GALNT5: variants seen among roughly 807,000 people sequenced by gnomAD.
The protein encoded by GALNT5 is UDP-GalNAc:polypeptide N-acetylgalactosaminyltransferase 5.
Under a neutral mutation model 85.4 loss-of-function variants are expected in GALNT5, and 72 were observed. The observed-to-expected ratio is 0.84, with a 90% confidence interval of 0.70 to 1.03. GALNT5 has a LOEUF of 1.03. Among genes scored for constraint, GALNT5 ranks in the 50% least tolerant of loss-of-function variants. The pLI, the probability that GALNT5 is intolerant of heterozygous loss-of-function variation, is 0.00. For missense variants in GALNT5, 1,137 were observed against 1,135.5 expected, an observed-to-expected ratio of 1.00 and a Z score of -0.02; for synonymous variants, 404 against 397.0, an observed-to-expected ratio of 1.02 and a Z score of -0.21.
chr2:157,280,573 C>T (rs1028141327), intron 1 of GALNT5, among the ~76,000 whole-genome samples: 3 of 152,168 alleles, frequency 2.0e-5, no homozygotes, highest in Non-Finnish European at 4.4e-5. Context: ...TCATGGCAGT[C>T]AGAAGAAACT....
At position 157,316,894 on chromosome 2, in the gene GALNT5, G is replaced by A. The variant is rs1245403048; in HGVS notation, c.*5546G>A. ...TTGTAAAAACACATACAAAACACAA[G>A]GGAAAATTCTCATTTTCCAGCAAAT... On this transcript the variant is annotated 3_prime_UTR_variant, in exon 10 of 10. Transcript: ENST00000259056. 1.3e-5 allele frequency among the ~76,000 whole-genome samples: 2 copies of A among 151,814 alleles called. No homozygotes were observed. The highest frequency in any genetic ancestry group is 2.1e-4 in the South Asian group (1 of 4,816).
chr2:157,311,337 T>C lies in GALNT5; in HGVS notation c.2812T>C (p.Tyr938His). ...PYQKWKFEKY[Y>H]EA Reference sequence around the variant, plus strand: ...TCAAAAGTGGAAATTTGAAAAATATTATGAAGCCTGAAGTGTAACTGATGT... The same window carrying C: ...TCAAAAGTGGAAATTTGAAAAATATCATGAAGCCTGAAGTGTAACTGATGT... The change falls in exon 10 of 10, where the codon TAT becomes CAT. Residue 938 changes from tyrosine to histidine, a missense_variant. By Grantham distance (83) the Tyr-to-His change is moderately conservative (BLOSUM62 2). Transcript: ENST00000259056. 2.5e-6 allele frequency: 4 copies of C among 1,605,014 alleles called. No homozygotes were observed. The highest frequency in any genetic ancestry group is 2.6e-6 in the Non-Finnish European group (3 of 1,174,350).
chr2:157,299,771 A>T (rs1290603206), intron 6 of GALNT5, 106 bp downstream of exon 6: 1 of 538,988 alleles, frequency 1.9e-6, no homozygotes, highest in Non-Finnish European at 3.3e-6. Context: ...ACTGAGAGGA[A>T]ATTTCACAGA....
At chr2:157,277,317 C>A (rs1682753670) in intron 1 of GALNT5, among the ~76,000 whole-genome samples, 1 of 152,136 alleles carries the variant, frequency 6.6e-6, no homozygotes, top group South Asian at 2.1e-4. Context: ...GTGGAGAGTT[C>A]TGTAGATGTC....
chr2:157,299,361 G>T (rs1683288813), intron 5 of GALNT5, among the ~76,000 whole-genome samples, 187 bp from the exon 6 acceptor site: 1 of 152,098 alleles, frequency 6.6e-6, no homozygotes, highest in Non-Finnish European at 1.5e-5. Context: ...ACCTAATCTA[G>T]CTCTGCCACC....
intron 1 of GALNT5, among the ~76,000 whole-genome samples, chr2:157,282,680 G>A (rs755212553): frequency 1.3e-5 from 2 of 152,056 alleles, no homozygotes; most frequent in South Asian, 2.1e-4. Flanking sequence ...TTCCAAATCA[G>A]TAATTAGAAA....
At chr2:157,270,049 G>A (rs949559600) in intron 1 of GALNT5, among the ~76,000 whole-genome samples, 4 of 151,836 alleles carry the variant, frequency 2.6e-5, no homozygotes, top group African/African-American at 4.8e-5. Flanking sequence ...TAGAGATGAG[G>A]AAGTCATAGG....
intron 1 of GALNT5, among the ~76,000 whole-genome samples, chr2:157,278,515 T>C (rs1682788032): frequency 6.6e-6 from 1 of 152,204 alleles, no homozygotes; most frequent in Admixed American, 6.5e-5. Context: ...TTCATTTCTT[T>C]TTCCTCTTTT....
At chr2:157,287,407 C>G (rs1242911677) in intron 3 of GALNT5, among the ~76,000 whole-genome samples, 1 of 151,910 alleles carries the variant, frequency 6.6e-6, no homozygotes. Flanking sequence ...ACTCTTCCTC[C>G]CTTTCCCCTC....
At chr2:157,272,376 T>C (rs184960596) in intron 1 of GALNT5, among the ~76,000 whole-genome samples, 1 of 152,228 alleles carries the variant, frequency 6.6e-6, no homozygotes. Flanking sequence ...ACTCCTTTTT[T>C]AAATAATTTC....
At chr2:157,262,065 C>T (rs539272945) in intron 1 of GALNT5, among the ~76,000 whole-genome samples, 18 of 152,292 alleles carry the variant, frequency 1.2e-4, no homozygotes, top group African/African-American at 4.1e-4. Context: ...TAGCATCCTA[C>T]TGCAACCTTT....
chr2:157,286,411 C>T (rs527434520), intron 3 of GALNT5, among the ~76,000 whole-genome samples: 1 of 152,194 alleles, frequency 6.6e-6, no homozygotes, highest in Non-Finnish European at 1.5e-5. Flanking sequence ...AGAACAGAAG[C>T]ATTCTCTTAA....
At chr2:157,268,072 G>A (rs1427617515) in intron 1 of GALNT5, among the ~76,000 whole-genome samples, 2 of 152,108 alleles carry the variant, frequency 1.3e-5, no homozygotes, top group Admixed American at 1.3e-4. Context: ...CTCACATGAA[G>A]GCAGTAGTTG....
intron 5 of GALNT5, among the ~76,000 whole-genome samples, chr2:157,297,184 C>A (rs1683231898): frequency 6.6e-6 from 1 of 152,176 alleles, no homozygotes; most frequent in Non-Finnish European, 1.5e-5. Flanking sequence ...TAAACAGACA[C>A]AAGTAAGCCA....
At position 157,282,711 on chromosome 2, in the gene GALNT5, T is replaced by C. The variant is rs145039832; in HGVS notation, c.1455-1571T>C. 3.3e-5 allele frequency among the ~76,000 whole-genome samples: 5 copies of C among 150,674 alleles called. No individual in the cohort carries two copies. The East Asian group carries it at 9.7e-4, about 29-fold the overall frequency. ...AGAAAAACTGATATTTGAGCACATATCTATTTCCAAAGCCCATTCTACAAA... is the reference window on the plus strand; with the variant it reads ...AGAAAAACTGATATTTGAGCACATACCTATTTCCAAAGCCCATTCTACAAA... On this transcript the variant is annotated intron_variant, in intron 1 of 9. Transcript: ENST00000259056.
In GALNT5 at chr2:157,317,959, C is replaced by T. The variant is rs183446931; in HGVS notation, c.*6611C>T. Reference sequence around the variant, plus strand: ...AGAATATTGTAGGGGTTATCAGAAACCCATATTCATTGTGGTATGTTTCTG... The same window carrying T: ...AGAATATTGTAGGGGTTATCAGAAATCCATATTCATTGTGGTATGTTTCTG... On this transcript the variant is annotated 3_prime_UTR_variant, in exon 10 of 10. Coordinates refer to ENST00000259056, the MANE Select transcript of GALNT5 (RefSeq NM_014568.3). Among the ~76,000 whole-genome samples, 155 of 152,158 alleles carry T rather than the reference C, an allele frequency of 1.0e-3. No homozygotes were observed. Among genetic ancestry groups the T allele is most frequent in the African/African-American group, 3.6e-3 (149 of 41,534 alleles).
intron 1 of GALNT5, among the ~76,000 whole-genome samples, chr2:157,261,430 C>G (rs1179997875): frequency 1.3e-5 from 2 of 152,210 alleles, no homozygotes; most frequent in African/African-American, 4.8e-5. Context: ...TACAGTCAGG[C>G]TCTGTCTTCT....
At chr2:157,310,489 T>C (rs1240661808) in intron 9 of GALNT5, among the ~76,000 whole-genome samples, 1 of 152,264 alleles carries the variant, frequency 6.6e-6, no homozygotes, top group East Asian at 1.9e-4. Flanking sequence ...AATAAATTAT[T>C]ATGAAAGTCA....
Position 157,258,618 on chromosome 2 carries a change from C to G in GALNT5, c.536C>G (p.Thr179Ser), listed in dbSNP as rs143634326. Residue 179 changes from threonine (T) to serine (S), a missense_variant, in exon 1 of 10, where the codon ACT (threonine) becomes AGT (serine). Thr to Ser is a moderately conservative substitution (Grantham distance 58). Transcript: ENST00000259056. ...PKTSFIAAKG[T>S]QVVKISVHMG... ...ACCTCATTCATAGCAGCAAAAGGAA[C>G]TCAGGTAGTCAAAATATCAGTACAC... is the stretch of plus-strand genomic sequence containing the variant. 5 of 1,613,656 alleles carry G rather than the reference C, an allele frequency of 3.1e-6. No individual in the cohort carries two copies. Among genetic ancestry groups the G allele is most frequent in the Middle Eastern group, 1.6e-4 (1 of 6,062 alleles).
Sources: gnomAD v4.1 joint callset for allele counts (sites outside exome capture counted in the v4.1 genomes callset) on GRCh38, gnomAD v4.1.1 for gene constraint, MANE v1.5 for transcripts, NCBI Gene and HGNC (gene_info 2026-07-23, HGNC 2026-07-21) for gene names.